The following GNL3 variants were observed in gnomAD, a reference collection of about 807,000 sequenced individuals.
The protein encoded by GNL3 is guanine nucleotide-binding protein-like 3.
Under a neutral mutation model 70.6 loss-of-function variants are expected in GNL3, and 77 were observed. The ratio of observed to expected loss-of-function variants is 1.09; its 90% CI spans 0.91 to 1.32. GNL3 has a LOEUF of 1.32. Ranked by LOEUF, GNL3 falls within the 40% of genes most tolerant of loss-of-function variation. GNL3 has a pLI of 0.00. For synonymous variants in GNL3, 252 were observed against 216.1 expected (o/e 1.17, Z -1.46); for missense variants, 634 against 644.0 (o/e 0.98, Z 0.17).
upstream of GNL3, chr3:52,685,972 G>T: frequency 1.3e-6 from 1 of 749,630 alleles, no homozygotes; most frequent in Admixed American, 1.8e-5. Flanking sequence ...CGCGCACGCA[G>T]AGAGGCGGTG....
chr3:52,693,114 A>G (rs1362915405), intron 10 of GNL3, 68 bp downstream of exon 10: 6 of 1,599,694 alleles, frequency 3.8e-6, no homozygotes, highest in Non-Finnish European at 4.3e-6. Context: ...TTGAGTAGAA[A>G]AATCTTGGAA....
intron 13 of GNL3, 91 bp from the exon 14 acceptor site, chr3:52,693,946 C>A: frequency 7.6e-7 from 1 of 1,314,398 alleles, no homozygotes; most frequent in Non-Finnish European, 1.1e-6. Context: ...ATATGTACCT[C>A]CAAAGAGTTA....
chr3:52,690,992 C>A lies in GNL3; in HGVS notation c.702C>A (p.Cys234Ter). The A allele has an allele frequency of 6.2e-7, 1 of 1,613,682 alleles. No homozygotes were observed. The highest frequency in any genetic ancestry group is 8.5e-7 in the Non-Finnish European group (1 of 1,179,576). The change falls in exon 8 of 15, where the codon TGC becomes TGA. Residue 234 changes from cysteine (C) to a stop codon, truncating the protein, a stop_gained. Coordinates refer to ENST00000418458, the MANE Select transcript of GNL3 (RefSeq NM_014366.5). LOFTEE classifies it high-confidence loss of function. ...KNAAPFRSEV[C>*]FGKEGLWKLL... is the part of the protein sequence containing the mutation. ...CTGCTCCATTCAGAAGTGAAGTCTG[C>A]TTTGGGAAAGAGGGCCTTTGGAAAC...
chr3:52,688,869 C>G (rs549008201), intron 5 of GNL3: 1 of 587,602 alleles, frequency 1.7e-6, no homozygotes, highest in South Asian at 2.0e-5. Context: ...CTGAGCAAGC[C>G]TATGTTTTAC....
rs545732043 is a variant in GNL3, at chr3:52,694,438, C to G, written c.*163C>G. 1.7e-6 allele frequency: 1 copy of G among 585,244 alleles called. No individual in the cohort carries two copies. Among genetic ancestry groups the G allele is most frequent in the Admixed American group, 3.2e-5 (1 of 31,604 alleles). The allele number at this position is 585,244 out of a possible 1,614,324, so 36.3% of individuals were successfully genotyped here. ...CCCTAAATTCTGTAAAAAGACAATT[C>G]ATCTCATTGTGAGTGGAAGTAGTTA... On this transcript the variant is annotated 3_prime_UTR_variant, in exon 15 of 15. Transcript: ENST00000418458.
Position 52,688,192 on chromosome 3 carries a change from G to T in GNL3, c.408G>T (p.Lys136Asn). The T allele has an allele frequency of 6.4e-7, 1 of 1,566,478 alleles. No homozygotes were observed. Among genetic ancestry groups the T allele is most frequent in the East Asian group, 2.2e-5 (1 of 44,672 alleles). The change falls in exon 5 of 15, where the codon AAG (lysine) becomes AAT (asparagine). Residue 136 changes from lysine to asparagine, a missense_variant and splice_region_variant. Transcript: ENST00000418458. ...SKKLYCQELK[K>N]VIEASDVVLE... is the part of the protein sequence containing the mutation. ...AGCTGTACTGCCAAGAACTTAAAAA[G>T]GTATCTTAGCCTAGGTCAGTGTCTG...
rs566062656 is a variant in GNL3, at chr3:52,690,388, G to A, written c.542-204G>A. Among the ~76,000 whole-genome samples, 25 of 152,146 alleles carry A rather than the reference G, an allele frequency of 1.6e-4. 2 individuals carry two copies. In the South Asian group the frequency reaches 3.9e-3, roughly 24 times the overall value. The stretch of plus-strand genomic sequence containing the variant: ...CGCCGTTCTCCTGCCTCAGCCTCCC[G>A]AGTAGCTGGGACTACAGGTGCCCAC... On this transcript the variant is annotated intron_variant, in intron 6 of 14. Coordinates refer to ENST00000418458, the MANE Select transcript of GNL3 (RefSeq NM_014366.5).
At chr3:52,689,454 C>A in intron 6 of GNL3, 1 of 549,780 alleles carries the variant, frequency 1.8e-6, no homozygotes, top group Non-Finnish European at 3.4e-6. Context: ...AGCTGCTATA[C>A]CCAGCTTATT....
intron 5 of GNL3, 57 bp downstream of exon 5, chr3:52,688,249 C>T: frequency 9.9e-7 from 1 of 1,007,206 alleles, no homozygotes; most frequent in South Asian, 1.3e-5. Context: ...AGACTCAAGT[C>T]ATTTTTTTTT....
rs2097329634 is a variant in GNL3, at chr3:52,693,618, GCTTT to G, written c.1325-8_1325-5del. 3 of 1,613,750 alleles carry G rather than the reference GCTTT, an allele frequency of 1.9e-6. No homozygotes were observed. In the African/African-American group the frequency reaches 4.0e-5, roughly 22 times the overall value. Reference sequence around the variant, plus strand: ...AGCTCTTACCTGTTTACATGGGCTTGCTTTCTTTCCCAGCCATCAAGGGCCCTCA... The same window carrying G: ...AGCTCTTACCTGTTTACATGGGCTTGCTTTCCCAGCCATCAAGGGCCCTCA... On this transcript the variant is annotated splice_polypyrimidine_tract_variant and intron_variant, in intron 12 of 14. Coordinates refer to ENST00000418458, the MANE Select transcript of GNL3 (RefSeq NM_014366.5).
intron 4 of GNL3, 190 bp from the exon 5 acceptor site, chr3:52,687,919 A>G: frequency 1.7e-6 from 1 of 601,300 alleles, no homozygotes; most frequent in East Asian, 2.7e-5. Context: ...TGGCTGAGAG[A>G]TGAGTTCTGA....
upstream of GNL3, chr3:52,685,922 G>A (rs2097306787): frequency 1.1e-5 from 7 of 665,250 alleles, no homozygotes; most frequent in Non-Finnish European, 2.7e-6. Flanking sequence ...CCAGTCCCGC[G>A]GCCGCCAAGC....
chr3:52,691,918 C>T (rs2097327712), intron 9 of GNL3, among the ~76,000 whole-genome samples: 2 of 152,110 alleles, frequency 1.3e-5, no homozygotes, highest in East Asian at 3.9e-4. Context: ...TTAGGCTGGT[C>T]TCAAACTCCT....
rs374184879 is a variant in GNL3, at chr3:52,693,654, C to T, written c.1347C>T (p.Ala449=). The change falls in exon 13 of 15, where the codon GCC becomes GCT. Residue 449 remains alanine, a synonymous_variant. Transcript: ENST00000418458. The part of the protein sequence containing the change: ...SIRAIKGPHL[A]NSILFQSSGL... ...CAGCCATCAAGGGCCCTCATTTGGC[C>T]AATAGCATCCTTTTCCAGTCTTCCG... 77 of 1,613,990 alleles carry T rather than the reference C, an allele frequency of 4.8e-5. No homozygotes were observed. The highest frequency in any genetic ancestry group is 6.5e-5 in the Non-Finnish European group (77 of 1,179,966).
In GNL3 at chr3:52,690,941, T is replaced by C. The variant is rs371750331; in HGVS notation, c.655-4T>C. ...CAGAATAATTCAACTATTTGGAATT[T>C]TAGCGTGTGAAGGCAAAGAAGAATG... On this transcript the variant is annotated splice_region_variant and splice_polypyrimidine_tract_variant and intron_variant, in intron 7 of 14. Transcript: ENST00000418458. 2.5e-6 allele frequency: 4 copies of C among 1,613,840 alleles called. No individual in the cohort carries two copies. Among genetic ancestry groups the C allele is most frequent in the South Asian group, 2.2e-5 (2 of 91,050 alleles).
intron 9 of GNL3, 79 bp downstream of exon 9, chr3:52,691,708 T>C: frequency 1.3e-6 from 1 of 781,634 alleles, no homozygotes; most frequent in Non-Finnish European, 2.2e-6. Context: ...GGTGATTTTT[T>C]TTTTTTTTTT....
chr3:52,687,954 G>C, intron 4 of GNL3, 155 bp from the exon 5 acceptor site: 1 of 645,264 alleles, frequency 1.5e-6, no homozygotes, highest in Non-Finnish European at 2.8e-6. Context: ...CACATCCACA[G>C]GCTGCTGAGC....
intron 5 of GNL3, 34 bp from the exon 6 acceptor site, chr3:52,689,040 G>A (rs760651850): frequency 1.3e-6 from 2 of 1,589,904 alleles, no homozygotes; most frequent in Non-Finnish European, 1.7e-6. Flanking sequence ...TTTTCTCCTT[G>A]ATAATGTAGT....
chr3:52,687,484 C>G lies in GNL3; in HGVS notation c.211-18C>G. On this transcript the variant is annotated intron_variant, in intron 3 of 14. Coordinates refer to ENST00000418458, the MANE Select transcript of GNL3 (RefSeq NM_014366.5). ...ACACTAGTCACTGGTTCACCTATTT[C>G]CCTTATGGCTCTGACAGCTTGAAGA... is the stretch of plus-strand genomic sequence containing the variant. 4 of 1,597,296 alleles carry G rather than the reference C, an allele frequency of 2.5e-6. No homozygotes were observed. Among genetic ancestry groups the G allele is most frequent in the Non-Finnish European group, 3.4e-6 (4 of 1,164,890 alleles).
Sources: allele counts gnomAD v4.1 joint callset (sites outside exome capture counted in the v4.1 genomes callset), GRCh38; gene constraint gnomAD v4.1.1; transcripts MANE v1.5; gene names NCBI Gene and HGNC (gene_info 2026-07-23, HGNC 2026-07-21).